The following SORCS3 variants were observed in gnomAD, a reference collection of about 807,000 sequenced individuals.
SORCS3 encodes sortilin related VPS10 domain containing receptor 3.
Under a neutral mutation model 146.3 loss-of-function variants are expected in SORCS3, and 57 were observed. That is an observed-to-expected ratio of 0.39 (90% confidence interval 0.31 to 0.49). The LOEUF (loss-of-function observed/expected upper bound fraction) is 0.49, where lower values mean the gene tolerates loss of function less well. SORCS3 is among the 20% of genes least tolerant of loss of function. SORCS3 has a pLI of 0.92. For synonymous variants in SORCS3, 653 were observed against 618.5 expected, an observed-to-expected ratio of 1.06 and a Z score of -0.83; for missense variants, 1,341 against 1,575.5, an observed-to-expected ratio of 0.85 and a Z score of 2.52.
intron 2 of SORCS3, among the ~76,000 whole-genome samples, chr10:104,866,542 C>T (rs1440841643): frequency 6.6e-6 from 1 of 152,156 alleles, no homozygotes; most frequent in Non-Finnish European, 1.5e-5. Flanking sequence ...AAACTAGATG[C>T]CTCAGTTATC....
intron 5 of SORCS3, among the ~76,000 whole-genome samples, chr10:105,063,272 G>A (rs977921539): frequency 1.3e-5 from 2 of 152,110 alleles, no homozygotes; most frequent in Non-Finnish European, 2.9e-5. Context: ...AACAGCTACC[G>A]ACCTTGGCAA....
At chr10:105,042,012 G>T (rs1201517680) in intron 4 of SORCS3, among the ~76,000 whole-genome samples, 2 of 152,188 alleles carry the variant, frequency 1.3e-5, no homozygotes, top group Non-Finnish European at 2.9e-5. Flanking sequence ...TCTTCTCCAA[G>T]ATTAAGTTTT....
chr10:105,115,248 A>G (rs74157437), intron 7 of SORCS3, among the ~76,000 whole-genome samples: 4,335 of 152,282 alleles, frequency 0.028, 119 homozygotes, highest in East Asian at 0.16. Flanking sequence ...GAATGGAATC[A>G]TGCTACTTGC....
At chr10:105,014,096 T>C (rs11192277) in intron 4 of SORCS3, among the ~76,000 whole-genome samples, 4 of 132,208 alleles carry the variant, frequency 3.0e-5, no homozygotes, top group East Asian at 4.3e-4. Flanking sequence ...CACATATATA[T>C]ACATATATAT....
intron 1 of SORCS3, among the ~76,000 whole-genome samples, chr10:104,771,129 G>A (rs1005297714): frequency 6.6e-6 from 1 of 151,890 alleles, no homozygotes; most frequent in Admixed American, 6.6e-5. Flanking sequence ...TTTGCTCAAC[G>A]TGTGGTCCAA....
At chr10:104,669,796 G>A (rs575755398) in intron 1 of SORCS3, among the ~76,000 whole-genome samples, 88 of 152,072 alleles carry the variant, frequency 5.8e-4, no homozygotes, top group Middle Eastern at 3.4e-3. Flanking sequence ...GTAGTTCTAC[G>A]TTTAGTTTTT....
chr10:105,232,860 T>C (rs2056772956), intron 20 of SORCS3, among the ~76,000 whole-genome samples: 1 of 152,078 alleles, frequency 6.6e-6, no homozygotes, highest in African/African-American at 2.4e-5. Flanking sequence ...TATTTATTGC[T>C]CAATTTAATT....
intron 1 of SORCS3, among the ~76,000 whole-genome samples, chr10:104,651,252 G>A (rs532665612): frequency 3.5e-4 from 54 of 152,226 alleles, no homozygotes; most frequent in African/African-American, 1.1e-3. Context: ...AAACTCTAAA[G>A]CGTCTTTTCT....
intron 1 of SORCS3, among the ~76,000 whole-genome samples, chr10:104,717,281 A>G: frequency 6.7e-6 from 1 of 148,668 alleles, no homozygotes; most frequent in Admixed American, 6.8e-5. Context: ...GGGAGACCCT[A>G]TCTCTAAGAA....
At chr10:104,698,320 T>C (rs192872806) in intron 1 of SORCS3, among the ~76,000 whole-genome samples, 32 of 152,218 alleles carry the variant, frequency 2.1e-4, no homozygotes, top group Admixed American at 4.6e-4. Flanking sequence ...TGTTTTGTGG[T>C]CATTGCACTC....
At chr10:104,659,368 G>C (rs1282632017) in intron 1 of SORCS3, among the ~76,000 whole-genome samples, 17 of 152,250 alleles carry the variant, frequency 1.1e-4, no homozygotes, top group Admixed American at 1.1e-3. Context: ...CATCCAGATA[G>C]TAGAAACTCC....
At position 105,191,001 on chromosome 10, in the gene SORCS3, A is replaced by G. The variant is rs2056513775; in HGVS notation, c.2010-8998A>G. ...GAAAGTAAGTTTAAAGTGTGTAAGGAACCCTCTGTAGTTCCAGGATTGGGG... is the reference window on the plus strand; with the variant it reads ...GAAAGTAAGTTTAAAGTGTGTAAGGGACCCTCTGTAGTTCCAGGATTGGGG... On this transcript the variant is annotated intron_variant, in intron 14 of 26. Transcript: ENST00000369701. Among the ~76,000 whole-genome samples the G allele has an allele frequency of 1.3e-5, 2 of 152,216 alleles. 1 individual carries two copies. Among genetic ancestry groups the G allele is most frequent in the South Asian group, 4.1e-4 (2 of 4,836 alleles).
chr10:104,897,230 A>G (rs1268719103), intron 2 of SORCS3, among the ~76,000 whole-genome samples: 2 of 152,098 alleles, frequency 1.3e-5, no homozygotes, highest in African/African-American at 4.8e-5. Context: ...TCATGTTTTC[A>G]CCCCGTCCTA....
chr10:105,059,541 T>C (rs1438674872), intron 5 of SORCS3, among the ~76,000 whole-genome samples: 1 of 152,098 alleles, frequency 6.6e-6, no homozygotes, highest in Non-Finnish European at 1.5e-5. Flanking sequence ...CTTTGAACAG[T>C]GTATACATAG....
At chr10:104,891,109 T>C (rs1052007422) in intron 2 of SORCS3, among the ~76,000 whole-genome samples, 3 of 152,180 alleles carry the variant, frequency 2.0e-5, no homozygotes, top group Non-Finnish European at 4.4e-5. Context: ...ACGTGTTTTG[T>C]TTAGGGTTTA....
At chr10:104,955,424 C>A (rs1206922975) in intron 3 of SORCS3, among the ~76,000 whole-genome samples, 1 of 152,108 alleles carries the variant, frequency 6.6e-6, no homozygotes, top group Non-Finnish European at 1.5e-5. Context: ...CATTAATGAA[C>A]ATTTAGATTG....
At chr10:105,136,376 T>C (rs2056059087) in intron 7 of SORCS3, among the ~76,000 whole-genome samples, 1 of 152,210 alleles carries the variant, frequency 6.6e-6, no homozygotes, top group African/African-American at 2.4e-5. Flanking sequence ...GATGGCATAG[T>C]CCTCATGTCC....
intron 4 of SORCS3, among the ~76,000 whole-genome samples, chr10:104,992,148 G>C (rs2054998279): frequency 6.6e-6 from 1 of 152,120 alleles, no homozygotes; most frequent in Non-Finnish European, 1.5e-5. Context: ...GTAGGGGAGG[G>C]AGCAGGGGGT....
chr10:105,233,969 T>C (rs536641597), intron 20 of SORCS3, among the ~76,000 whole-genome samples: 42 of 152,286 alleles, frequency 2.8e-4, no homozygotes, highest in Non-Finnish European at 5.4e-4. Context: ...TCATTTATTC[T>C]TCTTCATTGT....
Sources: allele counts gnomAD v4.1 joint callset (sites outside exome capture counted in the v4.1 genomes callset), GRCh38; gene constraint gnomAD v4.1.1; transcripts MANE v1.5; gene names NCBI Gene and HGNC (gene_info 2026-07-23, HGNC 2026-07-21).